SPIN1: variants seen among roughly 807,000 people sequenced by gnomAD.
SPIN1 encodes spindlin 1, also known as spindlin-1.
Under a neutral mutation model 26.0 loss-of-function variants are expected in SPIN1, and 3 were observed. That is an observed-to-expected ratio of 0.12 (90% CI 0.05 to 0.30). SPIN1 has a LOEUF of 0.30. Among genes scored for constraint, SPIN1 ranks in the 10% least tolerant of loss-of-function variants. The probability of loss-of-function intolerance (pLI) is 1.00; values close to 1 mark genes in which losing one functional copy is unlikely to be tolerated. For synonymous variants in SPIN1, 101 were observed against 116.5 expected (o/e 0.87, Z 0.86); for missense variants, 126 against 333.4 (o/e 0.38, Z 4.84).
chr9:88,432,519 C>T (rs1447447964), intron 2 of SPIN1, among the ~76,000 whole-genome samples: 1 of 149,688 alleles, frequency 6.7e-6, no homozygotes, highest in Non-Finnish European at 1.5e-5. Flanking sequence ...GAGTCTTGCT[C>T]TGTCACCCAG....
chr9:88,392,667 G>C (rs1214755017), intron 1 of SPIN1, among the ~76,000 whole-genome samples: 1 of 150,484 alleles, frequency 6.6e-6, no homozygotes, highest in Non-Finnish European at 1.5e-5. Flanking sequence ...TATCTACCTA[G>C]CTACTATTTT....
At chr9:88,466,543 A>G (rs538610273) in intron 4 of SPIN1, among the ~76,000 whole-genome samples, 1 of 152,154 alleles carries the variant, frequency 6.6e-6, no homozygotes, top group Non-Finnish European at 1.5e-5. Context: ...TTTTACTGTC[A>G]TACACGGGGG....
At chr9:88,443,119 CA>C (rs769488109) in intron 2 of SPIN1, among the ~76,000 whole-genome samples, 10,156 of 81,336 alleles carry the variant, frequency 0.12, 1,136 homozygotes, top group African/African-American at 0.32. Flanking sequence ...GACTCCATCT[CA>C]AAAAAAAAAA....
chr9:88,411,072 T>C (rs1827433427), intron 1 of SPIN1: 1 of 1,571,218 alleles, frequency 6.4e-7, no homozygotes, highest in East Asian at 2.2e-5. Context: ...ATCACTTCAG[T>C]TTTTCAGAAC....
rs185329115 is a variant in SPIN1 at position 88,401,808 on chromosome 9, T to G, written c.-159+13270T>G. 6.4e-4 allele frequency among the ~76,000 whole-genome samples: 98 copies of G among 152,328 alleles called. No individual in the cohort carries two copies. In the East Asian group the frequency reaches 0.013, roughly 20 times the overall value. On this transcript the variant is annotated intron_variant, in intron 1 of 5. Coordinates refer to ENST00000375859, the MANE Select transcript of SPIN1 (RefSeq NM_006717.3). ...TGGAACTGTATGTTCTTGCTTATGT[T>G]GAGATGTTATGTGTCTGTTTTAAGC...
At chr9:88,392,335 A>T (rs1382961729) in intron 1 of SPIN1, among the ~76,000 whole-genome samples, 2 of 152,234 alleles carry the variant, frequency 1.3e-5, no homozygotes, top group Non-Finnish European at 2.9e-5. Context: ...TTGGCTAAAT[A>T]TATAAACACA....
At chr9:88,462,883 A>G in intron 4 of SPIN1, 134 bp downstream of exon 4, 1 of 1,111,574 alleles carries the variant, frequency 9.0e-7, no homozygotes, top group Non-Finnish European at 1.2e-6. Flanking sequence ...ATTATATTAA[A>G]TCACCGAAAA....
intron 5 of SPIN1, among the ~76,000 whole-genome samples, chr9:88,469,467 G>T (rs987006333): frequency 6.6e-6 from 1 of 152,196 alleles, no homozygotes; most frequent in Non-Finnish European, 1.5e-5. Flanking sequence ...TAAGGTAGAA[G>T]AGGATGTGAC....
intron 4 of SPIN1, among the ~76,000 whole-genome samples, chr9:88,466,167 T>G (rs1828664360): frequency 6.6e-6 from 1 of 151,538 alleles, no homozygotes; most frequent in Non-Finnish European, 1.5e-5. Flanking sequence ...ATGTTTTAAT[T>G]TTTTTTTTAG....
chr9:88,435,190 CTG>C (rs1199634926), intron 2 of SPIN1, among the ~76,000 whole-genome samples: 1 of 151,646 alleles, frequency 6.6e-6, no homozygotes. Context: ...TCCATCGACT[CTG>C]TATTATTTTG....
intron 1 of SPIN1, among the ~76,000 whole-genome samples, chr9:88,419,425 G>A (rs1406808454): frequency 6.6e-6 from 1 of 152,170 alleles, no homozygotes; most frequent in Non-Finnish European, 1.5e-5. Context: ...AGAACCCCTT[G>A]CTCTCCCTTG....
chr9:88,410,949 C>G, intron 1 of SPIN1: 1 of 1,197,974 alleles, frequency 8.3e-7, no homozygotes, highest in East Asian at 2.3e-5. Flanking sequence ...CAATTGTTGC[C>G]ATTCACAGTA....
chr9:88,434,032 G>T (rs1011203121), intron 2 of SPIN1, among the ~76,000 whole-genome samples: 8 of 152,084 alleles, frequency 5.3e-5, no homozygotes, highest in Non-Finnish European at 8.8e-5. Context: ...GAGAACTCAA[G>T]GGGAGGAGTG....
intron 1 of SPIN1, among the ~76,000 whole-genome samples, chr9:88,400,808 G>A (rs1428715602): frequency 6.6e-6 from 1 of 150,502 alleles, no homozygotes; most frequent in South Asian, 2.1e-4. Context: ...TCATGCCACT[G>A]CACTCTAGCT....
At position 88,468,263 on chromosome 9, in the gene SPIN1, G is replaced by A. The variant is rs568028349; in HGVS notation, c.356-109G>A. 1.6e-4 allele frequency: 116 copies of A among 732,682 alleles called. No individual in the cohort carries two copies. In the South Asian group the frequency reaches 2.7e-3, roughly 17 times the overall value. The allele number at this position is 732,682 out of a possible 1,614,324, so 45.4% of individuals were successfully genotyped here. On this transcript the variant is annotated intron_variant, in intron 4 of 5. Transcript: ENST00000375859. ...CCCAGATTCTGATGCTTGCTAATAC[G>A]TTGCATGGACAAAATTTCAGGTGTA...
intron 2 of SPIN1, among the ~76,000 whole-genome samples, chr9:88,436,968 T>TG: frequency 6.6e-6 from 1 of 151,700 alleles, no homozygotes; most frequent in Admixed American, 6.6e-5. Context: ...GGTTTCACCG[T>TG]TTTAGCCGGG....
intron 1 of SPIN1, among the ~76,000 whole-genome samples, chr9:88,399,099 T>C (rs112543698): frequency 0.077 from 11,574 of 151,274 alleles, 1,404 homozygotes; most frequent in African/African-American, 0.26. Context: ...TGGCACAATC[T>C]TGGCTCACTG....
chr9:88,464,849 C>G (rs1246392235), intron 4 of SPIN1, among the ~76,000 whole-genome samples: 1 of 152,082 alleles, frequency 6.6e-6, no homozygotes, highest in South Asian at 2.1e-4. Context: ...TGAAACAGAT[C>G]TCCAGAACTA....
rs143860170 is a variant in SPIN1 at position 88,406,740 on chromosome 9, C to G, written c.-159+18202C>G. ...AACCTGTTTTTTACCTTTTCCTGTC[C>G]TTTCTTGCCTTCTTTTAGATGCTTA... On this transcript the variant is annotated intron_variant, in intron 1 of 5. Transcript: ENST00000375859. Among the ~76,000 whole-genome samples the G allele has an allele frequency of 2.7e-3, 417 of 152,146 alleles. 1 individual carries two copies. Among genetic ancestry groups the G allele is most frequent in the African/African-American group, 9.8e-3 (406 of 41,512 alleles).
Sources: allele counts gnomAD v4.1 joint callset (sites outside exome capture counted in the v4.1 genomes callset), GRCh38; gene constraint gnomAD v4.1.1; transcripts MANE v1.5; gene names NCBI Gene and HGNC (gene_info 2026-07-23, HGNC 2026-07-21).